The following ACTR3C variants were observed in gnomAD, a reference collection of about 807,000 sequenced individuals.
ACTR3C encodes the protein actin-related protein 3C.
ACTR3C carries 18 observed loss-of-function variants against 26.3 expected under a neutral mutation model. That is an observed-to-expected ratio of 0.68 (90% CI 0.47 to 1.01). The LOEUF is 1.01. Among genes scored for constraint, ACTR3C ranks in the 50% least tolerant of loss-of-function variants. The probability of loss-of-function intolerance (pLI) is 0.00; values close to 1 mark genes in which losing one functional copy is unlikely to be tolerated. For synonymous variants in ACTR3C, 55 were observed against 94.5 expected (o/e 0.58, Z 2.42); for missense variants, 184 against 250.7 (o/e 0.73, Z 1.80).
chr7:150,105,272 C>T, the ACTR3C span, among the ~76,000 whole-genome samples: 3 of 151,598 alleles, frequency 2.0e-5, no homozygotes, highest in African/African-American at 2.4e-5. Context: ...TTAGTAGAGA[C>T]GGGGTTTCAC....
the ACTR3C span, among the ~76,000 whole-genome samples, chr7:150,216,017 T>C: frequency 2.6e-5 from 4 of 151,962 alleles, no homozygotes; most frequent in East Asian, 7.7e-4. Flanking sequence ...AGATTCAAGA[T>C]GCTTAGTGAA....
chr7:150,040,405 C>G, the ACTR3C span: 1 of 148,266 alleles, frequency 6.7e-6, no homozygotes, highest in Non-Finnish European at 1.5e-5. Flanking sequence ...TTTCCTTTAA[C>G]TAATGAAAGA....
chr7:150,256,796 G>C (rs1344328333), intron 6 of ACTR3C, among the ~76,000 whole-genome samples: 2 of 152,106 alleles, frequency 1.3e-5, no homozygotes, highest in Non-Finnish European at 2.9e-5. Context: ...TGTGATGTGG[G>C]AGCAGAAAGC....
chr7:150,094,673 A>G, the ACTR3C span, among the ~76,000 whole-genome samples: 1 of 150,032 alleles, frequency 6.7e-6, no homozygotes, highest in Non-Finnish European at 1.5e-5. Flanking sequence ...CCTCACCAAG[A>G]CTCCAGAAGC....
At chr7:150,281,699 C>A (rs1277033799) in intron 6 of ACTR3C, among the ~76,000 whole-genome samples, 1 of 152,130 alleles carries the variant, frequency 6.6e-6, no homozygotes, top group Non-Finnish European at 1.5e-5. Context: ...GAGGAGGGTC[C>A]GCAGATAATT....
the ACTR3C span, among the ~76,000 whole-genome samples, chr7:150,122,124 C>T: frequency 6.6e-6 from 1 of 152,132 alleles, no homozygotes; most frequent in African/African-American, 2.4e-5. Flanking sequence ...ACCATAAAAA[C>T]CCTAGAAGAA....
chr7:150,139,228 T>TA, the ACTR3C span, among the ~76,000 whole-genome samples: 3 of 152,212 alleles, frequency 2.0e-5, no homozygotes, highest in African/African-American at 7.2e-5. Context: ...AGGTCACAGA[T>TA]AAACTCACAG....
the ACTR3C span, among the ~76,000 whole-genome samples, chr7:150,064,048 C>A: frequency 6.6e-6 from 1 of 151,878 alleles, no homozygotes; most frequent in Non-Finnish European, 1.5e-5. Flanking sequence ...CATTTCCAAT[C>A]GTACTTCCAG....
At chr7:150,015,803 G>A in the ACTR3C span, among the ~76,000 whole-genome samples, 83 of 152,228 alleles carry the variant, frequency 5.5e-4, no homozygotes, top group African/African-American at 2.0e-3. Context: ...AATGGCACAG[G>A]TGGTGGGGAG....
At chr7:150,022,386 T>C in the ACTR3C span, among the ~76,000 whole-genome samples, 3 of 151,494 alleles carry the variant, frequency 2.0e-5, no homozygotes, top group East Asian at 1.9e-4. Context: ...GTCAGATACA[T>C]AGTTTGCAAA....
the ACTR3C span, among the ~76,000 whole-genome samples, chr7:149,966,749 C>T: frequency 0.019 from 2,867 of 152,318 alleles, 45 homozygotes; most frequent in Middle Eastern, 0.031. Flanking sequence ...ACATCCCTGC[C>T]AACAGCTTTG....
the ACTR3C span, among the ~76,000 whole-genome samples, chr7:150,041,777 G>A: frequency 1.5e-4 from 18 of 123,542 alleles, no homozygotes; most frequent in South Asian, 2.7e-4. Context: ...CTGGCTCTCA[G>A]TCCCTGCCTC....
chr7:150,299,554 G>C (rs1000772537), intron 1 of ACTR3C, among the ~76,000 whole-genome samples: 1 of 151,458 alleles, frequency 6.6e-6, no homozygotes, highest in African/African-American at 2.4e-5. Context: ...GGGAGGCAGG[G>C]GCAGGTGGAT....
At chr7:150,020,132 A>G in the ACTR3C span, among the ~76,000 whole-genome samples, 1 of 152,122 alleles carries the variant, frequency 6.6e-6, no homozygotes, top group South Asian at 2.1e-4. Flanking sequence ...ATTTTAAATC[A>G]CCTTAGTCAA....
the ACTR3C span, among the ~76,000 whole-genome samples, chr7:149,974,027 G>T: frequency 1.4e-5 from 1 of 70,382 alleles, no homozygotes; most frequent in East Asian, 2.5e-4. Flanking sequence ...GAGGGGGAAG[G>T]GTCTGATAAT....
the ACTR3C span, among the ~76,000 whole-genome samples, chr7:150,032,751 T>C: frequency 1.3e-5 from 2 of 152,064 alleles, no homozygotes; most frequent in African/African-American, 2.4e-5. Context: ...TAAAGAACAA[T>C]AGGTTACTTT....
At chr7:150,146,102 A>G in the ACTR3C span, among the ~76,000 whole-genome samples, 1 of 152,208 alleles carries the variant, frequency 6.6e-6, no homozygotes, top group East Asian at 1.9e-4. Flanking sequence ...TACTGTGATT[A>G]ATTCTGTAAT....
the ACTR3C span, among the ~76,000 whole-genome samples, chr7:150,059,022 G>T: frequency 6.6e-6 from 1 of 152,154 alleles, no homozygotes; most frequent in Non-Finnish European, 1.5e-5. Context: ...ACTAAAACCA[G>T]AATCCTCTTC....
At chr7:150,104,107 A>G in the ACTR3C span, among the ~76,000 whole-genome samples, 7 of 151,640 alleles carry the variant, frequency 4.6e-5, no homozygotes, top group African/African-American at 1.7e-4. Context: ...CTAAACAAAT[A>G]GTTTATAATA....
Sources: allele counts gnomAD v4.1 joint callset (sites outside exome capture counted in the v4.1 genomes callset), GRCh38; gene constraint gnomAD v4.1.1; transcripts MANE v1.5; gene names NCBI Gene and HGNC (gene_info 2026-07-23, HGNC 2026-07-21).